Variants in KLF9 observed in about 807,000 individuals in gnomAD.
KLF9 encodes the protein KLF transcription factor 9.
KLF9 carries 2 observed loss-of-function variants against 17.3 expected under a neutral mutation model. The ratio of observed to expected loss-of-function variants is 0.12; its 90% CI spans 0.05 to 0.36. KLF9 has a LOEUF of 0.36. Ranked by LOEUF, KLF9 falls within the 10% of genes least tolerant of loss-of-function variation. The pLI is 1.00. For missense variants in KLF9, 226 were observed against 333.2 expected, an observed-to-expected ratio of 0.68 and a Z score of 2.51; for synonymous variants, 138 against 139.2, an observed-to-expected ratio of 0.99 and a Z score of 0.06.
At chr9:70,398,260 G>A (rs1403337154) in intron 1 of KLF9, among the ~76,000 whole-genome samples, 8 of 151,844 alleles carry the variant, frequency 5.3e-5, no homozygotes, top group South Asian at 2.1e-4. Flanking sequence ...TTTTACTTCC[G>A]GATCTCTGTG....
Position 70,413,527 on chromosome 9 carries a change from G to A in KLF9, c.-164C>T. The A allele has an allele frequency of 3.3e-6, 2 of 609,562 alleles. No individual in the cohort carries two copies. Among genetic ancestry groups the A allele is most frequent in the Non-Finnish European group, 4.6e-6 (2 of 438,856 alleles). 37.8% of individuals were successfully genotyped at this position (609,562 alleles called of 1,614,324 possible). ...GGCGCTTCCGACTCGCAGGAGCGCC[G>A]AGGCGACCTCAGCCCCTCATCTTTA... is the stretch of plus-strand genomic sequence containing the variant. On this transcript the variant is annotated 5_prime_UTR_variant, in exon 1 of 2. Transcript: ENST00000377126. The surrounding 1 kb of genome is among the most constrained non-coding windows in gnomAD (Gnocchi z 5.6).
chr9:70,387,890 CA>C lies in KLF9; in HGVS notation c.620del (p.Leu207ArgfsTer7), dbSNP rs2037125305. ...HTGEKQFRCP[L>X]CEKRFMRSDH... Reference sequence around the variant, plus strand: ...CACTCCTCATGAAGCGCTTCTCACACAGCGGACAGCGGAACTGCTTTTCCCC... The same window carrying C: ...CACTCCTCATGAAGCGCTTCTCACACGCGGACAGCGGAACTGCTTTTCCCC... On this transcript the variant is annotated frameshift_variant, in exon 2 of 2. Coordinates refer to ENST00000377126, the MANE Select transcript of KLF9 (RefSeq NM_001206.4). LOFTEE classifies it high-confidence loss of function. The C allele has an allele frequency of 6.2e-7, 1 of 1,614,060 alleles. No homozygotes were observed. The highest frequency in any genetic ancestry group is 8.5e-7 in the Non-Finnish European group (1 of 1,180,048).
chr9:70,385,720 A>G lies in KLF9; in HGVS notation c.*2056T>C, dbSNP rs2118903002. 4 of 152,782 alleles carry G rather than the reference A, an allele frequency of 2.6e-5. No individual in the cohort carries two copies. In the South Asian group the frequency reaches 8.3e-4, roughly 32 times the overall value. 9.5% of individuals were successfully genotyped at this position (152,782 alleles called of 1,614,324 possible). On this transcript the variant is annotated 3_prime_UTR_variant, in exon 2 of 2. Transcript: ENST00000377126. ...AGGCAGCCTAACCTATTTCGTATGG[A>G]AGAACAGATGTCCTTAAAACTTATT...
chr9:70,413,194 T>C lies in KLF9; in HGVS notation c.170A>G (p.Tyr57Cys). The C allele has an allele frequency of 1.2e-6, 2 of 1,614,134 alleles. No homozygotes were observed. The highest frequency in any genetic ancestry group is 1.7e-6 in the Non-Finnish European group (2 of 1,180,026). The change falls in exon 1 of 2, where the codon TAC becomes TGC. Residue 57 changes from tyrosine (Y) to cysteine (C), a missense_variant. Coordinates refer to ENST00000377126, the MANE Select transcript of KLF9 (RefSeq NM_001206.4). The surrounding 1 kb of genome is among the most constrained non-coding windows in gnomAD (Gnocchi z 5.6). ...CTTGGCGATGGTGACCAGTGTGCAG[T>C]AATCCTTCCAGGTGTCCCCCGGGTC... Reference protein sequence around the residue: ...HGDPGDTWKDYCTLVTIAKSL... With the variant: ...HGDPGDTWKDCCTLVTIAKSL...
chr9:70,388,452 C>T (rs758566124), intron 1 of KLF9, among the ~76,000 whole-genome samples: 13 of 152,134 alleles, frequency 8.5e-5, no homozygotes, highest in Non-Finnish European at 1.6e-4. Flanking sequence ...TTTCAGCCAC[C>T]CAGTCTGTGG....
chr9:70,401,190 T>A (rs11793864), intron 1 of KLF9, among the ~76,000 whole-genome samples: 3,359 of 131,276 alleles, frequency 0.026, 83 homozygotes, highest in African/African-American at 0.065. Flanking sequence ...AAAAAAAAAA[T>A]TTTTTAAATT....
At chr9:70,394,878 G>GGTAA (rs990241958) in intron 1 of KLF9, among the ~76,000 whole-genome samples, 2 of 152,162 alleles carry the variant, frequency 1.3e-5, no homozygotes, top group African/African-American at 4.8e-5. Flanking sequence ...GCCTTTGGAT[G>GGTAA]GTAAGGCTCA....
chr9:70,391,533 T>C (rs2037153261), intron 1 of KLF9, among the ~76,000 whole-genome samples: 1 of 152,144 alleles, frequency 6.6e-6, no homozygotes, highest in Non-Finnish European at 1.5e-5. Flanking sequence ...AAATAGAAGC[T>C]TCGTTAGACT....
intron 1 of KLF9, among the ~76,000 whole-genome samples, chr9:70,409,144 GTA>G (rs1176288303): frequency 0.066 from 3,572 of 53,874 alleles, 261 homozygotes; most frequent in Non-Finnish European, 0.13. Context: ...ACATATATAT[GTA>G]TATGTATATA....
Position 70,392,742 on chromosome 9 carries a change from C to G in KLF9, c.506-4737G>C, listed in dbSNP as rs1179328704. Among the ~76,000 whole-genome samples, 3 of 152,064 alleles carry G rather than the reference C, an allele frequency of 2.0e-5. No individual in the cohort carries two copies. In the East Asian group the frequency reaches 5.8e-4, roughly 29 times the overall value. On this transcript the variant is annotated intron_variant, in intron 1 of 1. Transcript: ENST00000377126. The stretch of plus-strand genomic sequence containing the variant: ...CAGCCTGGGGGAAACCAAGTCAGGC[C>G]CTCTCTTTGAGGCTCGGTGCTAAGG...
intron 1 of KLF9, among the ~76,000 whole-genome samples, chr9:70,388,381 G>A (rs530325660): frequency 2.9e-4 from 44 of 152,160 alleles, no homozygotes; most frequent in African/African-American, 8.7e-4. Flanking sequence ...AAACGAACCC[G>A]TCCCCTGCCT....
chr9:70,408,288 T>C (rs921203153), intron 1 of KLF9, among the ~76,000 whole-genome samples: 4 of 152,064 alleles, frequency 2.6e-5, no homozygotes. Flanking sequence ...GGCAGGAGGA[T>C]CAGTAATGGA....
Position 70,387,696 on chromosome 9 carries a change from T to C in KLF9, c.*80A>G. 2 of 1,240,044 alleles carry C rather than the reference T, an allele frequency of 1.6e-6. No individual in the cohort carries two copies. Among genetic ancestry groups the C allele is most frequent in the Non-Finnish European group, 2.3e-6 (2 of 851,106 alleles). 76.8% of individuals were successfully genotyped at this position (1,240,044 alleles called of 1,614,324 possible). On this transcript the variant is annotated 3_prime_UTR_variant, in exon 2 of 2. Coordinates refer to ENST00000377126, the MANE Select transcript of KLF9 (RefSeq NM_001206.4). ...CCGTCAAGTGTGCCTCTTCTGGGGC[T>C]CAGTTTTCACGCGTCTGTTTCCTGG...
chr9:70,393,335 AT>A (rs1339171918), intron 1 of KLF9, among the ~76,000 whole-genome samples: 1 of 152,136 alleles, frequency 6.6e-6, no homozygotes, highest in Non-Finnish European at 1.5e-5. Context: ...AATGAAGCCC[AT>A]TTTTTTGTGG....
intron 1 of KLF9, among the ~76,000 whole-genome samples, chr9:70,405,127 A>G (rs1488758508): frequency 6.6e-6 from 1 of 152,218 alleles, no homozygotes; most frequent in Non-Finnish European, 1.5e-5. Flanking sequence ...CTTTGGGCCA[A>G]GATGATCTGT....
intron 1 of KLF9, among the ~76,000 whole-genome samples, chr9:70,403,136 C>T (rs1030894501): frequency 1.7e-4 from 26 of 151,968 alleles, no homozygotes; most frequent in African/African-American, 2.7e-4. Flanking sequence ...GGCAGCAGGG[C>T]GAGACTTTGT....
At chr9:70,411,810 C>G (rs146347750) in intron 1 of KLF9, among the ~76,000 whole-genome samples, 166 of 152,254 alleles carry the variant, frequency 1.1e-3, no homozygotes, top group African/African-American at 3.5e-3. Flanking sequence ...AAGACAGAGG[C>G]AAAAGGCTTA....
chr9:70,397,976 A>C lies in KLF9; in HGVS notation c.506-9971T>G, dbSNP rs114651649. Among the ~76,000 whole-genome samples, 342 of 152,346 alleles carry C rather than the reference A, an allele frequency of 2.2e-3. 1 individual carries two copies. The highest frequency in any genetic ancestry group is 7.9e-3 in the African/African-American group (327 of 41,578). On this transcript the variant is annotated intron_variant, in intron 1 of 1. Coordinates refer to ENST00000377126, the MANE Select transcript of KLF9 (RefSeq NM_001206.4). ...GCCATTCCTGGGTACAGAGAAGTCCACATTTTTCTGCATACATCATTTCAA... is the reference window on the plus strand; with the variant it reads ...GCCATTCCTGGGTACAGAGAAGTCCCCATTTTTCTGCATACATCATTTCAA...
At chr9:70,405,837 G>A (rs755472996) in intron 1 of KLF9, among the ~76,000 whole-genome samples, 18 of 152,176 alleles carry the variant, frequency 1.2e-4, no homozygotes, top group Non-Finnish European at 2.5e-4. Flanking sequence ...TATTTGCTGA[G>A]GGGACTGCTT....
Sources: allele counts gnomAD v4.1 joint callset (sites outside exome capture counted in the v4.1 genomes callset), GRCh38; gene constraint gnomAD v4.1.1; non-coding constraint Gnocchi (gnomAD v3.1); transcripts MANE v1.5; gene names NCBI Gene and HGNC (gene_info 2026-07-23, HGNC 2026-07-21).